The following RNF38 variants were observed in gnomAD, a reference collection of about 807,000 sequenced individuals.
RNF38 encodes E3 ubiquitin-protein ligase RNF38.
A neutral mutation model predicts 67.2 loss-of-function variants in RNF38; 15 were observed. The ratio of observed to expected loss-of-function variants is 0.22; its 90% confidence interval spans 0.15 to 0.34. RNF38 has a LOEUF of 0.34. RNF38 is among the 10% of genes least tolerant of loss of function. The pLI, the probability that RNF38 is intolerant of heterozygous loss-of-function variation, is 1.00. For synonymous variants in RNF38, 220 were observed against 218.8 expected (o/e 1.01, Z -0.05); for missense variants, 524 against 639.9 (o/e 0.82, Z 1.95).
intron 2 of RNF38, among the ~76,000 whole-genome samples, chr9:36,383,825 C>A (rs1252665344): frequency 4.6e-5 from 7 of 150,904 alleles, no homozygotes; most frequent in Admixed American, 1.3e-4. Context: ...TTTTTTAAAC[C>A]GAAGCCCAAA....
intron 9 of RNF38, among the ~76,000 whole-genome samples, chr9:36,349,931 G>C (rs1356330960): frequency 6.6e-6 from 1 of 152,004 alleles, no homozygotes; most frequent in Non-Finnish European, 1.5e-5. Flanking sequence ...GCTCACTGCA[G>C]CCTCCCCCTC....
intron 2 of RNF38, among the ~76,000 whole-genome samples, chr9:36,381,465 G>A (rs1587561940): frequency 6.6e-6 from 1 of 152,060 alleles, no homozygotes; most frequent in South Asian, 2.1e-4. Context: ...GAAATTATAG[G>A]ACCTAACAGA....
chr9:36,358,001 C>A (rs1834254546), intron 4 of RNF38, 59 bp from the exon 5 acceptor site: 1 of 1,420,338 alleles, frequency 7.0e-7, no homozygotes, highest in East Asian at 2.3e-5. Flanking sequence ...GTTAACTATT[C>A]AAAATCAACA....
At chr9:36,419,139 C>A (rs1236108667) in intron 2 of RNF38, among the ~76,000 whole-genome samples, 1 of 152,134 alleles carries the variant, frequency 6.6e-6, no homozygotes, top group Non-Finnish European at 1.5e-5. Context: ...CTCAATGGAA[C>A]ATTTTGGATT....
chr9:36,482,106 T>G (rs1840284372), intron 1 of RNF38, among the ~76,000 whole-genome samples: 1 of 147,452 alleles, frequency 6.8e-6, no homozygotes, highest in African/African-American at 2.5e-5. Context: ...CAGGCTGGAG[T>G]GCAATGGTGC....
At chr9:36,447,558 T>C (rs1478257011) in intron 1 of RNF38, among the ~76,000 whole-genome samples, 2 of 152,084 alleles carry the variant, frequency 1.3e-5, no homozygotes. Flanking sequence ...ATAATACTAG[T>C]AAGTGGTCAG....
intron 1 of RNF38, among the ~76,000 whole-genome samples, chr9:36,477,444 G>C (rs907804787): frequency 2.0e-5 from 3 of 152,130 alleles, no homozygotes; most frequent in African/African-American, 7.2e-5. Context: ...AGGAGGCCAA[G>C]GTGGGAGGAT....
At position 36,390,565 on chromosome 9, in the gene RNF38, T is replaced by C; in HGVS notation, c.64A>G (p.Ile22Val). Residue 22 changes from isoleucine to valine, a missense_variant, in exon 2 of 12, where the codon ATT becomes GTT. Transcript: ENST00000259605. Reference protein sequence around the residue: ...ASLPGHPNKVICERVRLQSLF... With the variant: ...ASLPGHPNKVVCERVRLQSLF... ...CTCTGAAGTCTCACCCTTTCACAAATCACCTTGTTAGGATGGCCAGGTAGA... is the reference window on the plus strand; with the variant it reads ...CTCTGAAGTCTCACCCTTTCACAAACCACCTTGTTAGGATGGCCAGGTAGA... 1.2e-6 allele frequency: 2 copies of C among 1,614,054 alleles called. No homozygotes were observed. The highest frequency in any genetic ancestry group is 1.7e-6 in the Non-Finnish European group (2 of 1,179,988).
intron 3 of RNF38, among the ~76,000 whole-genome samples, chr9:36,374,761 C>A (rs1297508465): frequency 6.6e-6 from 1 of 152,180 alleles, no homozygotes; most frequent in Non-Finnish European, 1.5e-5. Context: ...GGATAACAGG[C>A]GTGAGCCACC....
At chr9:36,485,344 T>C (rs1125295) in intron 1 of RNF38, among the ~76,000 whole-genome samples, 23 of 144,446 alleles carry the variant, frequency 1.6e-4, no homozygotes, top group African/African-American at 4.9e-4. Context: ...ACATTTTAGG[T>C]AAATGAATAT....
chr9:36,350,499 T>C (rs561450402), intron 9 of RNF38, among the ~76,000 whole-genome samples: 17 of 152,372 alleles, frequency 1.1e-4, no homozygotes, highest in Non-Finnish European at 2.9e-5. Context: ...CCTTTTATGT[T>C]AACCACAGAC....
chr9:36,359,485 T>C (rs1042948454), intron 4 of RNF38, among the ~76,000 whole-genome samples: 1 of 152,216 alleles, frequency 6.6e-6, no homozygotes, highest in African/African-American at 2.4e-5. Context: ...GCCTCTACAG[T>C]GAAATACCAT....
intron 1 of RNF38, among the ~76,000 whole-genome samples, chr9:36,476,218 G>A (rs1333316140): frequency 1.3e-5 from 2 of 152,058 alleles, no homozygotes; most frequent in African/African-American, 2.4e-5. Context: ...ATGGTCTCCC[G>A]GGTTCAAATG....
chr9:36,418,405 C>T (rs1047086963), intron 2 of RNF38, among the ~76,000 whole-genome samples: 1 of 152,000 alleles, frequency 6.6e-6, no homozygotes, highest in African/African-American at 2.4e-5. Flanking sequence ...GTAATCCCGG[C>T]ACTTTGGAAG....
intron 1 of RNF38, among the ~76,000 whole-genome samples, chr9:36,391,369 A>G (rs561085797): frequency 6.6e-6 from 1 of 152,218 alleles, no homozygotes; most frequent in Admixed American, 6.5e-5. Flanking sequence ...TCATATGTAA[A>G]TATACTTACT....
chr9:36,394,812 C>T (rs936623115), intron 1 of RNF38, among the ~76,000 whole-genome samples: 5 of 152,136 alleles, frequency 3.3e-5, no homozygotes, highest in African/African-American at 4.8e-5. Context: ...ATCAACTATT[C>T]CACCAGGCCT....
chr9:36,387,447 A>C lies in RNF38; in HGVS notation c.162+3020T>G, dbSNP rs1836731462. On this transcript the variant is annotated intron_variant, in intron 2 of 11. Coordinates refer to ENST00000259605, the MANE Select transcript of RNF38 (RefSeq NM_022781.5). ...CTTAATTACCTTTTGAAAACTTACT[A>C]TCTTCAATCACAACCATTGAATCCA... is the stretch of plus-strand genomic sequence containing the variant. 2.0e-5 allele frequency among the ~76,000 whole-genome samples: 3 copies of C among 152,250 alleles called. No homozygotes were observed. The South Asian group carries it at 6.2e-4, about 31-fold the overall frequency.
At chr9:36,406,884 G>A (rs1838196892) in intron 2 of RNF38, among the ~76,000 whole-genome samples, 1 of 152,140 alleles carries the variant, frequency 6.6e-6, no homozygotes. Flanking sequence ...GCACTGGGCC[G>A]GGCGCGGTGG....
chr9:36,482,029 A>G (rs1840280426), intron 1 of RNF38, among the ~76,000 whole-genome samples: 1 of 147,872 alleles, frequency 6.8e-6, no homozygotes, highest in Admixed American at 6.8e-5. Flanking sequence ...TCTCTCCTCC[A>G]TTTACCAGAT....
Sources: allele counts gnomAD v4.1 joint callset (sites outside exome capture counted in the v4.1 genomes callset), GRCh38; gene constraint gnomAD v4.1.1; transcripts MANE v1.5; gene names NCBI Gene and HGNC (gene_info 2026-07-23, HGNC 2026-07-21).